The following LIN54 variants were observed in gnomAD, a reference collection of about 807,000 sequenced individuals.
LIN54 encodes the protein protein lin-54 homolog.
LIN54 carries 9 observed loss-of-function variants against 78.7 expected under a neutral mutation model. That is an observed-to-expected ratio of 0.11 (90% CI 0.07 to 0.20). The LOEUF is 0.20. Ranked by LOEUF, LIN54 falls within the 10% of genes least tolerant of loss-of-function variation. The probability of loss-of-function intolerance (pLI) is 1.00; values close to 1 mark genes in which losing one functional copy is unlikely to be tolerated. For missense variants in LIN54, 573 were observed against 889.9 expected (o/e 0.64, Z 4.53); for synonymous variants, 269 against 318.4 (o/e 0.84, Z 1.65).
At position 82,926,231 on chromosome 4, in the gene LIN54, C is replaced by G. The variant is rs1423546323; in HGVS notation, c.*1871G>C. On this transcript the variant is annotated 3_prime_UTR_variant, in exon 13 of 13. Transcript: ENST00000340417. ...AAATGAACAAAGTTTAAGTTTAGAC[C>G]AAAAACTTATTGCAATCTTTTGAAA... 1 of 152,172 alleles carries G rather than the reference C, an allele frequency of 6.6e-6. No individual in the cohort carries two copies. The highest frequency in any genetic ancestry group is 6.6e-5 in the Admixed American group (1 of 15,234). 9.4% of individuals were successfully genotyped at this position (152,172 alleles called of 1,614,324 possible). A position where few individuals can be genotyped will look rare whatever the true frequency, so the allele number is the denominator to read the frequency against.
At chr4:82,955,797 TC>T (rs1181476684) in intron 4 of LIN54, among the ~76,000 whole-genome samples, 3 of 151,966 alleles carry the variant, frequency 2.0e-5, no homozygotes, top group Non-Finnish European at 2.9e-5. Context: ...TAAGTTTTTT[TC>T]CCAAAAGTGT....
At position 83,006,947 on chromosome 4, in the gene LIN54, C is replaced by T. The variant is rs192507601; in HGVS notation, c.-33+3537G>A. On this transcript the variant is annotated intron_variant, in intron 1 of 12. Coordinates refer to ENST00000340417, the MANE Select transcript of LIN54 (RefSeq NM_194282.4). Reference sequence around the variant, plus strand: ...CTGAGGTCAGGAGTTTGAGACCAGCCTGGCCAACATGGTCAAACCCCGTCT... The same window carrying T: ...CTGAGGTCAGGAGTTTGAGACCAGCTTGGCCAACATGGTCAAACCCCGTCT... Among the ~76,000 whole-genome samples, 11 of 152,234 alleles carry T rather than the reference C, an allele frequency of 7.2e-5. No homozygotes were observed. The East Asian group carries it at 2.1e-3, about 29-fold the overall frequency.
chr4:82,943,740 A>T (rs547011991), intron 5 of LIN54, among the ~76,000 whole-genome samples: 1 of 152,226 alleles, frequency 6.6e-6, no homozygotes, highest in African/African-American at 2.4e-5. Flanking sequence ...AAAGCAAAAA[A>T]GGAAGCAGAA....
chr4:83,000,827 C>CTTTTTTTTTT (rs1553959274), intron 1 of LIN54, among the ~76,000 whole-genome samples: 19,224 of 119,110 alleles, frequency 0.16, 1,714 homozygotes, highest in South Asian at 0.29. Context: ...GCAATAAATT[C>CTTTTTTTTTT]TTTTTTTTTT....
At chr4:82,982,954 A>G (rs1327199056) in intron 2 of LIN54, among the ~76,000 whole-genome samples, 1 of 151,832 alleles carries the variant, frequency 6.6e-6, no homozygotes, top group East Asian at 1.9e-4. Context: ...CAACTCTTTC[A>G]AACAGAGGAT....
intron 1 of LIN54, among the ~76,000 whole-genome samples, chr4:82,990,420 G>A (rs538135436): frequency 9.2e-5 from 14 of 152,202 alleles, no homozygotes; most frequent in African/African-American, 2.9e-4. Flanking sequence ...GGGGGTCCAG[G>A]TAGATGCCAC....
At chr4:82,975,319 G>T (rs1484507568) in intron 3 of LIN54, among the ~76,000 whole-genome samples, 1 of 149,526 alleles carries the variant, frequency 6.7e-6, no homozygotes, top group Non-Finnish European at 1.5e-5. Flanking sequence ...CTGGGTGACA[G>T]AGTGAAACTG....
chr4:83,010,507 T>C lies in LIN54; in HGVS notation c.-56A>G. The stretch of plus-strand genomic sequence containing the variant: ...ACCTCCAGCGGCTGCCGCTTTCTCC[T>C]CCCTCGGGCTCCGAGGTAGGGGCTC... On this transcript the variant is annotated 5_prime_UTR_variant, in exon 1 of 13. Coordinates refer to ENST00000340417, the MANE Select transcript of LIN54 (RefSeq NM_194282.4). 3 of 1,048,520 alleles carry C rather than the reference T, an allele frequency of 2.9e-6. No homozygotes were observed. Among genetic ancestry groups the C allele is most frequent in the Non-Finnish European group, 3.4e-6 (3 of 872,904 alleles). The allele number at this position is 1,048,520 out of a possible 1,614,324, so 65.0% of individuals were successfully genotyped here.
At chr4:82,955,371 TAAC>T (rs1405002062) in intron 4 of LIN54, among the ~76,000 whole-genome samples, 1 of 137,186 alleles carries the variant, frequency 7.3e-6, no homozygotes, top group African/African-American at 3.1e-5. Flanking sequence ...CTCAAAAAAA[TAAC>T]ATAACATAAC....
At chr4:82,947,224 TATATA>T (rs1723439848) in intron 4 of LIN54, among the ~76,000 whole-genome samples, 9 of 21,396 alleles carry the variant, frequency 4.2e-4, no homozygotes, top group African/African-American at 1.3e-3. Flanking sequence ...TATATATATA[TATATA>T]TATATATTTT....
chr4:83,002,547 T>C (rs1728959402), intron 1 of LIN54, among the ~76,000 whole-genome samples: 1 of 152,096 alleles, frequency 6.6e-6, no homozygotes. Flanking sequence ...TTACATCAAG[T>C]GTGCCCACCT....
Position 82,980,287 on chromosome 4 carries a change from G to A in LIN54, c.685-1281C>T, listed in dbSNP as rs190454364. On this transcript the variant is annotated intron_variant, in intron 2 of 12. Transcript: ENST00000340417. ...AAATCAAAGAATTTTAGAGTGTGAAGAACATTAAATATTAATTATATCTTT... is the reference window on the plus strand; with the variant it reads ...AAATCAAAGAATTTTAGAGTGTGAAAAACATTAAATATTAATTATATCTTT... Among the ~76,000 whole-genome samples the A allele has an allele frequency of 2.6e-5, 4 of 152,066 alleles. No individual in the cohort carries two copies. In the East Asian group the frequency reaches 7.7e-4, roughly 29 times the overall value.
chr4:82,939,534 C>T lies in LIN54; in HGVS notation c.1440+5G>A. 1 of 1,612,540 alleles carries T rather than the reference C, an allele frequency of 6.2e-7. No homozygotes were observed. Among genetic ancestry groups the T allele is most frequent in the Non-Finnish European group, 8.5e-7 (1 of 1,178,528 alleles). ...CAATACAATGACTTCATTTTTTCCA[C>T]ATACCTGAGTAACATACTGAGCTGG... is the stretch of plus-strand genomic sequence containing the variant. On this transcript the variant is annotated splice_donor_5th_base_variant and intron_variant, in intron 7 of 12. Coordinates refer to ENST00000340417, the MANE Select transcript of LIN54 (RefSeq NM_194282.4).
chr4:82,988,494 T>C (rs918203143), intron 1 of LIN54, among the ~76,000 whole-genome samples: 1 of 152,240 alleles, frequency 6.6e-6, no homozygotes, highest in African/African-American at 2.4e-5. Flanking sequence ...CTGCTATAAA[T>C]ACTTAGGTTC....
chr4:82,941,760 G>A (rs1209909710), intron 5 of LIN54, among the ~76,000 whole-genome samples: 1 of 152,108 alleles, frequency 6.6e-6, no homozygotes, highest in African/African-American at 2.4e-5. Context: ...AGGTATAAGC[G>A]AAGAAAATGT....
At chr4:82,986,694 C>A (rs77780561) in intron 1 of LIN54, among the ~76,000 whole-genome samples, 2 of 119,868 alleles carry the variant, frequency 1.7e-5, no homozygotes, top group South Asian at 5.9e-4. Context: ...CAGAGCGAGA[C>A]CCCATCTCAA....
Position 82,978,894 on chromosome 4 carries a change from G to A in LIN54, c.797C>T (p.Pro266Leu). Residue 266 changes from proline to leucine, a missense_variant, in exon 3 of 13, where the codon CCA (proline) becomes CTA (leucine). Pro to Leu is a moderately conservative substitution (Grantham distance 98). This residue lies in a region of LIN54 where 199 missense variants were observed against 260.9 expected (regional missense o/e 0.76). Transcript: ENST00000340417. ...TAAAGAAATATAACCTGCAATAACT[G>A]GTGGTGAAACTTGAGTTGTCTGTCC... The part of the protein sequence containing the change: ...VTGQTTQVSP[P>L]VIAGRVLSQS... 6.5e-7 allele frequency: 1 copy of A among 1,544,510 alleles called. No homozygotes were observed. The highest frequency in any genetic ancestry group is 8.9e-7 in the Non-Finnish European group (1 of 1,123,360).
chr4:82,971,441 G>C (rs548322080), intron 3 of LIN54, among the ~76,000 whole-genome samples: 1 of 152,122 alleles, frequency 6.6e-6, no homozygotes, highest in African/African-American at 2.4e-5. Flanking sequence ...TCCTTGGTTA[G>C]CCTGTGTCCC....
chr4:82,975,437 G>A (rs562371216), intron 3 of LIN54, among the ~76,000 whole-genome samples: 8 of 151,990 alleles, frequency 5.3e-5, no homozygotes, highest in African/African-American at 1.2e-4. Context: ...GAGGCCAGGC[G>A]CGGTGGCTCA....
Sources: allele counts gnomAD v4.1 joint callset (sites outside exome capture counted in the v4.1 genomes callset), GRCh38; gene constraint gnomAD v4.1.1; regional missense constraint gnomAD v4.1.1; transcripts MANE v1.5; gene names NCBI Gene and HGNC (gene_info 2026-07-23, HGNC 2026-07-21).